Variants in GPM6A observed in about 807,000 individuals in gnomAD.
GPM6A encodes glycoprotein M6A, also known as neuronal membrane glycoprotein M6-a.
In GPM6A, 7 loss-of-function variants were observed where a neutral mutation model predicts 32.1. That is an observed-to-expected ratio of 0.22 (90% CI 0.12 to 0.41). The LOEUF (loss-of-function observed/expected upper bound fraction) is 0.41. Among genes scored for constraint, GPM6A ranks in the 10% least tolerant of loss-of-function variants. The pLI, the probability that GPM6A is intolerant of heterozygous loss-of-function variation, is 1.00. For missense variants in GPM6A, 235 were observed against 347.2 expected (o/e 0.68, Z 2.57); for synonymous variants, 130 against 123.4 (o/e 1.05, Z -0.35).
At chr4:175,953,689 G>A (rs1739892623) in intron 1 of GPM6A, among the ~76,000 whole-genome samples, 1 of 151,996 alleles carries the variant, frequency 6.6e-6, no homozygotes, top group African/African-American at 2.4e-5. Context: ...ATCACCTAAG[G>A]TCGGGATCGA....
chr4:175,914,679 T>A (rs1010172963), intron 1 of GPM6A, among the ~76,000 whole-genome samples: 1 of 152,178 alleles, frequency 6.6e-6, no homozygotes, highest in Non-Finnish European at 1.5e-5. Flanking sequence ...AGAAGTCAAA[T>A]ATGCATTTGT....
intron 1 of GPM6A, among the ~76,000 whole-genome samples, chr4:175,784,226 C>A (rs1490821832): frequency 1.3e-5 from 2 of 152,022 alleles, no homozygotes; most frequent in Non-Finnish European, 2.9e-5. Context: ...CAGACAAACA[C>A]AAAATGAGGG....
chr4:175,768,515 T>C (rs958441167), intron 1 of GPM6A, among the ~76,000 whole-genome samples: 5 of 151,730 alleles, frequency 3.3e-5, no homozygotes, highest in African/African-American at 1.2e-4. Context: ...GAAAAGAGAA[T>C]AAAAACTAAA....
At chr4:175,937,601 T>A (rs929151195) in intron 1 of GPM6A, among the ~76,000 whole-genome samples, 7 of 152,134 alleles carry the variant, frequency 4.6e-5, no homozygotes, top group Non-Finnish European at 1.0e-4. Flanking sequence ...GAATGAAACC[T>A]TAAAGTATCC....
intron 1 of GPM6A, among the ~76,000 whole-genome samples, chr4:175,967,899 A>C (rs1740376961): frequency 6.6e-6 from 1 of 152,184 alleles, no homozygotes; most frequent in South Asian, 2.1e-4. Context: ...ATTATTTTCA[A>C]GTTATCAATA....
At chr4:175,948,152 TTTTTGCTCCAATA>T (rs1316328101) in intron 1 of GPM6A, among the ~76,000 whole-genome samples, 2 of 152,130 alleles carry the variant, frequency 1.3e-5, no homozygotes, top group African/African-American at 2.4e-5. Context: ...TTTTTGTGAT[TTTTTGCTCCAATA>T]TTATGATACC....
chr4:175,821,894 C>T (rs1372022602), intron 1 of GPM6A, among the ~76,000 whole-genome samples: 1 of 152,044 alleles, frequency 6.6e-6, no homozygotes, highest in Non-Finnish European at 1.5e-5. Flanking sequence ...AAATATGAGT[C>T]TAACTGTCCA....
chr4:175,696,568 G>A (rs1228812998), intron 2 of GPM6A, among the ~76,000 whole-genome samples: 1 of 152,118 alleles, frequency 6.6e-6, no homozygotes, highest in Non-Finnish European at 1.5e-5. Context: ...TCTAACATGA[G>A]TTCTAGTTAT....
chr4:175,716,523 G>A lies in GPM6A; in HGVS notation c.38-14756C>T, dbSNP rs546063449. Among the ~76,000 whole-genome samples, 7 of 151,972 alleles carry A rather than the reference G, an allele frequency of 4.6e-5. No individual in the cohort carries two copies. In the East Asian group the frequency reaches 1.2e-3, roughly 26 times the overall value. ...ACATCATACAATAGAATGCAACAAA[G>A]TAACTGGCAAACTTGGACTTGTATT... On this transcript the variant is annotated intron_variant, in intron 1 of 6. Transcript: ENST00000393658.
chr4:175,637,847 A>T (rs1445111275), intron 6 of GPM6A, among the ~76,000 whole-genome samples: 1 of 121,330 alleles, frequency 8.2e-6, no homozygotes, highest in African/African-American at 3.3e-5. Context: ...AATATATAAT[A>T]TAAAATATAT....
intron 1 of GPM6A, among the ~76,000 whole-genome samples, chr4:175,960,477 A>G (rs1740129665): frequency 6.6e-6 from 1 of 152,128 alleles, no homozygotes; most frequent in South Asian, 2.1e-4. Context: ...TAGGATGTGC[A>G]GGTTTGTTAC....
At chr4:175,971,482 A>C (rs549396113) in intron 1 of GPM6A, among the ~76,000 whole-genome samples, 2 of 152,170 alleles carry the variant, frequency 1.3e-5, no homozygotes, top group Non-Finnish European at 2.9e-5. Flanking sequence ...AAAAATTAGA[A>C]CCAAACACAT....
At chr4:175,837,685 G>A (rs1735810242) in intron 1 of GPM6A, among the ~76,000 whole-genome samples, 1 of 152,148 alleles carries the variant, frequency 6.6e-6, no homozygotes. Context: ...ATGAGACAGG[G>A]ACAACGGCAA....
At position 175,823,013 on chromosome 4, in the gene GPM6A, TTA is replaced by T. The variant is rs1479726037; in HGVS notation, c.-22-10766_-22-10765del. Among the ~76,000 whole-genome samples, 5 of 152,316 alleles carry T rather than the reference TTA, an allele frequency of 3.3e-5. No homozygotes were observed. The East Asian group carries it at 7.7e-4, about 23-fold the overall frequency. ...GTTACCACTAACTGCAGCTAAAATG[TTA>T]TAGACATTGGGCTGGCGATTTTTAT... On this transcript the variant is annotated intron_variant, in intron 1 of 7. Coordinates refer to the GPM6A transcript ENST00000280187.
intron 1 of GPM6A, among the ~76,000 whole-genome samples, chr4:175,886,778 C>G (rs1297380246): frequency 2.7e-5 from 4 of 149,754 alleles, no homozygotes; most frequent in Non-Finnish European, 4.5e-5. Context: ...AATAAGACAA[C>G]AGAAATAAAG....
intron 1 of GPM6A, among the ~76,000 whole-genome samples, chr4:175,904,568 C>G (rs2111496340): frequency 6.6e-6 from 1 of 152,184 alleles, no homozygotes; most frequent in Admixed American, 6.6e-5. Context: ...CAAAAGTAGA[C>G]TACCACCACT....
intron 2 of GPM6A, among the ~76,000 whole-genome samples, chr4:175,694,610 A>G (rs972679201): frequency 6.6e-6 from 1 of 152,192 alleles, no homozygotes; most frequent in Non-Finnish European, 1.5e-5. Context: ...GCTTGTGTTC[A>G]TATTCACAAC....
At position 175,977,919 on chromosome 4, in the gene GPM6A, C is replaced by T. The variant is rs116588293; in HGVS notation, c.-23+24390G>A. ...ACACTTCTGCTCAGTAGTCTCCCTT[C>T]GCATGCGCACCACTTAACCCTCCAA... On this transcript the variant is annotated intron_variant, in intron 1 of 7. Transcript: ENST00000280187. Among the ~76,000 whole-genome samples, 829 of 152,278 alleles carry T rather than the reference C, an allele frequency of 5.4e-3. 10 individuals are homozygous for T. The highest frequency in any genetic ancestry group is 0.019 in the African/African-American group (788 of 41,554).
At chr4:175,788,241 C>T (rs1463177455) in intron 1 of GPM6A, among the ~76,000 whole-genome samples, 1 of 151,966 alleles carries the variant, frequency 6.6e-6, no homozygotes, top group African/African-American at 2.4e-5. Context: ...AAAGGAGAAA[C>T]GTCTGAAAAT....
Sources: allele counts gnomAD v4.1 joint callset (sites outside exome capture counted in the v4.1 genomes callset), GRCh38; gene constraint gnomAD v4.1.1; transcripts MANE v1.5; gene names NCBI Gene and HGNC (gene_info 2026-07-23, HGNC 2026-07-21).